SLC38A12: variants seen among roughly 807,000 people sequenced by gnomAD.
SLC38A12 encodes the protein putative sodium-coupled neutral amino acid transporter 12.
At chr17:74,815,063 G>A in the SLC38A12 span, among the ~76,000 whole-genome samples, 1 of 152,152 alleles carries the variant, frequency 6.6e-6, no homozygotes, top group African/African-American at 2.4e-5. Context: ...GAAAATTTGA[G>A]GACGGGGTGT....
the SLC38A12 span, among the ~76,000 whole-genome samples, chr17:74,806,293 G>A: frequency 2.6e-5 from 4 of 152,220 alleles, no homozygotes; most frequent in African/African-American, 9.6e-5. Flanking sequence ...AGCAAGACAT[G>A]CCCCGGCCTT....
chr17:74,829,664 A>G, the SLC38A12 span, among the ~76,000 whole-genome samples: 58 of 152,284 alleles, frequency 3.8e-4, no homozygotes, highest in South Asian at 0.012. The surrounding 1 kb of genome is among the most constrained non-coding windows in gnomAD (Gnocchi z 4.1). Context: ...AGACGGACTC[A>G]GTGCCTCAGC....
At chr17:74,795,709 CAGGT>C in the SLC38A12 span, 1 of 1,126,826 alleles carries the variant, frequency 8.9e-7, no homozygotes. Context: ...CCTTTACTTC[CAGGT>C]AGAATCCTTT....
At chr17:74,782,093 C>T in the SLC38A12 span, among the ~76,000 whole-genome samples, 2 of 152,144 alleles carry the variant, frequency 1.3e-5, no homozygotes, top group Admixed American at 6.6e-5. Context: ...AAGCTGTAAC[C>T]GTAGTTGTTT....
At chr17:74,813,491 T>G in the SLC38A12 span, among the ~76,000 whole-genome samples, 1 of 151,058 alleles carries the variant, frequency 6.6e-6, no homozygotes, top group Non-Finnish European at 1.5e-5. Context: ...TTTTGTTTTG[T>G]TTTGTTTTGT....
chr17:74,777,726 C>G, the SLC38A12 span: 1 of 730,696 alleles, frequency 1.4e-6, no homozygotes, highest in Non-Finnish European at 2.1e-6. Flanking sequence ...TCAAGACCAG[C>G]CTGGCCAACA....
chr17:74,777,829 G>A, the SLC38A12 span: 118 of 360,988 alleles, frequency 3.3e-4, no homozygotes, highest in Non-Finnish European at 5.6e-4. Flanking sequence ...CAGGAGAATC[G>A]CTTGAACCCG....
the SLC38A12 span, chr17:74,835,935 G>A: frequency 3.6e-5 from 58 of 1,599,380 alleles, no homozygotes; most frequent in African/African-American, 2.5e-4. Flanking sequence ...AGCTTTCGCC[G>A]TCATGATTGT....
At chr17:74,812,377 C>T in the SLC38A12 span, among the ~76,000 whole-genome samples, 1 of 152,174 alleles carries the variant, frequency 6.6e-6, no homozygotes, top group Non-Finnish European at 1.5e-5. Flanking sequence ...TACTGTAATT[C>T]AAGTTGAGAA....
chr17:74,824,434 G>A, the SLC38A12 span, among the ~76,000 whole-genome samples: 2 of 152,164 alleles, frequency 1.3e-5, no homozygotes, highest in Non-Finnish European at 2.9e-5. Flanking sequence ...CACCTAAGCC[G>A]ATGGCGGGAG....
At chr17:74,795,236 C>T in the SLC38A12 span, 19 of 808,866 alleles carry the variant, frequency 2.3e-5, no homozygotes, top group Non-Finnish European at 3.3e-5. Context: ...AATGCAGATG[C>T]CCAGGCCCTT....
chr17:74,829,974 C>A, the SLC38A12 span, among the ~76,000 whole-genome samples: 2 of 152,184 alleles, frequency 1.3e-5, no homozygotes, highest in African/African-American at 4.8e-5. This position sits in a 1 kb window ranked among gnomAD's most constrained non-coding sequence, Gnocchi z 4.1. Flanking sequence ...TCAGCCAGCC[C>A]TTATGTTGAT....
the SLC38A12 span, among the ~76,000 whole-genome samples, chr17:74,801,676 T>C: frequency 6.6e-6 from 1 of 152,166 alleles, no homozygotes; most frequent in African/African-American, 2.4e-5. Context: ...CTAACCTGGG[T>C]GAACTCTAAC....
chr17:74,785,204 T>G, the SLC38A12 span, among the ~76,000 whole-genome samples: 58 of 152,278 alleles, frequency 3.8e-4, no homozygotes, highest in African/African-American at 1.4e-3. Context: ...CGATGCAGCT[T>G]TAGGAGGGGA....
the SLC38A12 span, among the ~76,000 whole-genome samples, chr17:74,783,047 C>G: frequency 3.9e-5 from 6 of 152,242 alleles, no homozygotes; most frequent in Non-Finnish European, 8.8e-5. Context: ...AGGAGAATCA[C>G]TTGAATCCAG....
the SLC38A12 span, among the ~76,000 whole-genome samples, chr17:74,830,517 G>A: frequency 1.3e-5 from 2 of 152,208 alleles, no homozygotes; most frequent in Admixed American, 6.5e-5. Context: ...GACTGCTTTA[G>A]GAGCCTGAGG....
the SLC38A12 span, among the ~76,000 whole-genome samples, chr17:74,834,565 T>C: frequency 1.3e-5 from 2 of 152,108 alleles, no homozygotes; most frequent in Non-Finnish European, 2.9e-5. Context: ...ACCTCTTCCT[T>C]CCAGGAGTCA....
At chr17:74,838,481 AATC>A in the SLC38A12 span, 1 of 1,019,136 alleles carries the variant, frequency 9.8e-7, no homozygotes, top group Non-Finnish European at 1.2e-6. Flanking sequence ...CTCCAAACCA[AATC>A]TTGGACGCAA....
chr17:74,785,860 C>T, the SLC38A12 span, among the ~76,000 whole-genome samples: 1 of 152,192 alleles, frequency 6.6e-6, no homozygotes, highest in Non-Finnish European at 1.5e-5. Context: ...TGGAATGTTT[C>T]ACGTGATGCT....
Sources: allele counts gnomAD v4.1 joint callset (sites outside exome capture counted in the v4.1 genomes callset), GRCh38; gene constraint gnomAD v4.1.1; non-coding constraint Gnocchi (gnomAD v3.1); transcripts MANE v1.5; gene names NCBI Gene and HGNC (gene_info 2026-07-23, HGNC 2026-07-21).